The following TRIM9 variants were observed in gnomAD, a reference collection of about 807,000 sequenced individuals.
TRIM9 encodes the protein tripartite motif containing 9.
In TRIM9, 26 loss-of-function variants were observed where a neutral mutation model predicts 78.3. The ratio of observed to expected loss-of-function variants is 0.33; its 90% CI spans 0.24 to 0.46. The LOEUF (loss-of-function observed/expected upper bound fraction) is 0.46. Ranked by LOEUF, TRIM9 falls within the 20% of genes least tolerant of loss-of-function variation. TRIM9 has a pLI of 1.00. For missense variants in TRIM9, 787 were observed against 1,036.4 expected, an observed-to-expected ratio of 0.76 and a Z score of 3.30; for synonymous variants, 398 against 416.5, an observed-to-expected ratio of 0.96 and a Z score of 0.54.
At position 51,010,297 on chromosome 14, in the gene TRIM9, C is replaced by G; in HGVS notation, c.1152+87G>C. 7.7e-6 allele frequency: 8 copies of G among 1,045,684 alleles called. 1 individual carries two copies. In the South Asian group the frequency reaches 1.1e-4, roughly 14 times the overall value. The allele number at this position is 1,045,684 out of a possible 1,614,324, so 64.8% of individuals were successfully genotyped here. A position where few individuals can be genotyped will look rare whatever the true frequency, so the allele number is the denominator to read the frequency against. ...TGTTATTGAGGGACACAGGCCCACC[C>G]AGGGCTGTTGGAAGTCTGACTTAAG... On this transcript the variant is annotated intron_variant, in intron 4 of 12. Coordinates refer to ENST00000684578, the MANE Select transcript of TRIM9 (RefSeq NM_001387360.1).
chr14:51,084,000 A>C (rs961272883), intron 1 of TRIM9, among the ~76,000 whole-genome samples: 11 of 152,208 alleles, frequency 7.2e-5, no homozygotes, highest in Non-Finnish European at 4.4e-5. Context: ...ATGGCAAGTA[A>C]ACAAGAATTG....
intron 3 of TRIM9, 23 bp from the exon 4 acceptor site, chr14:51,010,517 A>C (rs765235487): frequency 5.1e-6 from 8 of 1,577,464 alleles, no homozygotes; most frequent in Non-Finnish European, 6.9e-6. Flanking sequence ...AAAAAACAAC[A>C]GAACAGTCCA....
chr14:51,006,244 C>T (rs1429026708), intron 5 of TRIM9, among the ~76,000 whole-genome samples: 2 of 152,182 alleles, frequency 1.3e-5, no homozygotes, highest in Non-Finnish European at 2.9e-5. Flanking sequence ...TTGTTAGTTT[C>T]ACAATGGACG....
At chr14:51,065,848 A>G (rs8016284) in intron 1 of TRIM9, among the ~76,000 whole-genome samples, 75,601 of 151,596 alleles carry the variant, frequency 0.5, 19,334 homozygotes, top group African/African-American at 0.58. Flanking sequence ...CCACTTGAAG[A>G]GGGTGCTTTG....
chr14:50,977,393 T>A, intron 12 of TRIM9, 40 bp from the exon 13 acceptor site: 1 of 1,444,162 alleles, frequency 6.9e-7, no homozygotes, highest in Non-Finnish European at 9.2e-7. Context: ...GCATCGTGCA[T>A]CCCCCTGTCC....
At chr14:50,999,778 A>G (rs564785825) in intron 6 of TRIM9, among the ~76,000 whole-genome samples, 17 of 152,306 alleles carry the variant, frequency 1.1e-4, no homozygotes, top group African/African-American at 4.1e-4. Flanking sequence ...TCCAAGCATC[A>G]GAACTTCCAG....
intron 3 of TRIM9, among the ~76,000 whole-genome samples, chr14:51,015,825 C>G (rs756763726): frequency 3.3e-5 from 5 of 152,124 alleles, no homozygotes; most frequent in Non-Finnish European, 7.4e-5. Context: ...TCCTATAGTA[C>G]TCTCTCTCAT....
chr14:51,027,113 A>C (rs1004742133), intron 1 of TRIM9, among the ~76,000 whole-genome samples: 1 of 148,612 alleles, frequency 6.7e-6, no homozygotes, highest in Non-Finnish European at 1.5e-5. Context: ...ATGCGTGCTT[A>C]ATAAATGCTG....
chr14:51,043,972 A>G (rs2140004920), intron 1 of TRIM9, among the ~76,000 whole-genome samples: 1 of 152,342 alleles, frequency 6.6e-6, no homozygotes, highest in East Asian at 1.9e-4. Context: ...GTTAAATGAC[A>G]TATTTAGGAT....
At chr14:51,011,819 C>T (rs939293433) in intron 3 of TRIM9, among the ~76,000 whole-genome samples, 1 of 152,142 alleles carries the variant, frequency 6.6e-6, no homozygotes, top group African/African-American at 2.4e-5. Context: ...TGGAATCAGA[C>T]TTATTTATCG....
At position 51,049,808 on chromosome 14, in the gene TRIM9, G is replaced by T. The variant is rs367787981; in HGVS notation, c.823-24448C>A. ...CCACTGCACTCCAGCCTGGGTGACA[G>T]AGCGAGACTCTGTCTCAAAAAAAAA... On this transcript the variant is annotated intron_variant, in intron 1 of 12. Transcript: ENST00000684578. Among the ~76,000 whole-genome samples the T allele has an allele frequency of 9.9e-5, 15 of 151,128 alleles. No individual in the cohort carries two copies. The East Asian group carries it at 2.5e-3, about 26-fold the overall frequency.
chr14:50,981,734 A>G, intron 11 of TRIM9, 66 bp downstream of exon 11: 1 of 1,592,558 alleles, frequency 6.3e-7, no homozygotes, highest in Non-Finnish European at 8.6e-7. Context: ...AGGTTTTTGA[A>G]CTGGGGCTCT....
At chr14:50,982,399 C>T in intron 10 of TRIM9, 1 of 459,514 alleles carries the variant, frequency 2.2e-6, no homozygotes, top group Non-Finnish European at 4.0e-6. Context: ...AGTCCCTTCA[C>T]CTGGTGACTG....
intron 1 of TRIM9, among the ~76,000 whole-genome samples, chr14:51,060,956 TGTGA>T (rs757978822): frequency 5.3e-5 from 8 of 152,278 alleles, no homozygotes; most frequent in East Asian, 1.9e-4. Context: ...CATTTGCTAC[TGTGA>T]GTCTTTTTCA....
Position 50,983,405 on chromosome 14 carries a change from TG to T in TRIM9, c.1808del (p.Thr603AsnfsTer9). 1 of 1,543,432 alleles carries T rather than the reference TG, an allele frequency of 6.5e-7. No individual in the cohort carries two copies. Among genetic ancestry groups the T allele is most frequent in the Non-Finnish European group, 8.8e-7 (1 of 1,142,804 alleles). On this transcript the variant is annotated frameshift_variant, in exon 9 of 13. Transcript: ENST00000684578. LOFTEE classifies it high-confidence loss of function. Reference protein sequence around the residue: ...SLNAPGCNFETQSAPYSQLVD... With the variant: ...SLNAPGCNFEXQSAPYSQLVD... ...CTAATTGAGAGTAAGGTGCAGATTGTGTCTCAAAATTGCATCCTATAAAGAG... is the reference window on the plus strand; with the variant it reads ...CTAATTGAGAGTAAGGTGCAGATTGTTCTCAAAATTGCATCCTATAAAGAG...
chr14:51,075,402 G>A (rs574574329), intron 1 of TRIM9, among the ~76,000 whole-genome samples: 2 of 151,882 alleles, frequency 1.3e-5, no homozygotes, highest in African/African-American at 2.4e-5. Flanking sequence ...GTAACTCGTC[G>A]GTGTACTGGA....
rs1555344763 is a variant in TRIM9 at position 51,053,593 on chromosome 14, T to TTA, written c.823-28234_823-28233insTA. Reference sequence around the variant, plus strand: ...CTTTTTAATTTTCTTTTTTTTTTTTTAATTTTTTTTTTTTTTATTATACTC... The same window carrying TTA: ...CTTTTTAATTTTCTTTTTTTTTTTTTTAAATTTTTTTTTTTTTTATTATACTC... On this transcript the variant is annotated intron_variant, in intron 1 of 12. Coordinates refer to ENST00000684578, the MANE Select transcript of TRIM9 (RefSeq NM_001387360.1). 1.7e-4 allele frequency among the ~76,000 whole-genome samples: 20 copies of TTA among 115,018 alleles called. 1 individual carries two copies. In the East Asian group the frequency reaches 3.2e-3, roughly 18 times the overall value. The allele number at this position is 115,018 out of a possible 152,430, so 75.5% of individuals were successfully genotyped here.
chr14:51,078,549 C>G (rs1478305756), intron 1 of TRIM9, among the ~76,000 whole-genome samples: 2 of 152,084 alleles, frequency 1.3e-5, no homozygotes, highest in Non-Finnish European at 2.9e-5. Context: ...CTGCCACTTG[C>G]CACAACGTGG....
Position 51,025,285 on chromosome 14 carries a change from T to C in TRIM9, c.898A>G (p.Asn300Asp), listed in dbSNP as rs1431827561. 2 of 1,614,076 alleles carry C rather than the reference T, an allele frequency of 1.2e-6. No individual in the cohort carries two copies. Among genetic ancestry groups the C allele is most frequent in the African/African-American group, 2.7e-5 (2 of 74,936 alleles). Residue 300 changes from asparagine (N) to aspartate (D), a missense_variant, in exon 2 of 13, where the codon AAC becomes GAC. Asn to Asp is a conservative substitution (Grantham distance 23). Around this residue, in one of 3 missense-constraint regions of TRIM9, gnomAD observed 352 missense variants for 472.3 expected, o/e 0.75. Transcript: ENST00000684578. Reference protein sequence around the residue: ...EAKEFLVQLRNMVQQIQENSV... With the variant: ...EAKEFLVQLRDMVQQIQENSV... ...CATACCTGGATCTGCTGGACCATGT[T>C]GCGCAGCTGTACCAGAAACTCCTTG...
Sources: allele counts gnomAD v4.1 joint callset (sites outside exome capture counted in the v4.1 genomes callset), GRCh38; gene constraint gnomAD v4.1.1; regional missense constraint gnomAD v4.1.1; transcripts MANE v1.5; gene names NCBI Gene and HGNC (gene_info 2026-07-23, HGNC 2026-07-21).